Variants in MIPEP observed in about 807,000 individuals in gnomAD.
MIPEP encodes mitochondrial intermediate peptidase.
In MIPEP, 79 loss-of-function variants were observed where a neutral mutation model predicts 90.3. The observed-to-expected ratio is 0.87, with a 90% CI of 0.73 to 1.05. The LOEUF (loss-of-function observed/expected upper bound fraction) is 1.05. Among genes scored for constraint, MIPEP ranks in the 50% least tolerant of loss-of-function variants. MIPEP has a pLI of 0.00. For missense variants in MIPEP, 940 were observed against 905.6 expected (o/e 1.04, Z -0.49); for synonymous variants, 334 against 315.8 (o/e 1.06, Z -0.61).
intron 2 of MIPEP, 70 bp downstream of exon 2, chr13:23,886,262 AG>A (rs1414356387): frequency 1.6e-6 from 2 of 1,219,568 alleles, no homozygotes; most frequent in Non-Finnish European, 2.2e-6. Context: ...TAAACAACAA[AG>A]GATAAATTTC....
intron 16 of MIPEP, among the ~76,000 whole-genome samples, chr13:23,772,320 C>T (rs1410422900): frequency 2.0e-5 from 3 of 149,392 alleles, no homozygotes; most frequent in Non-Finnish European, 3.0e-5. Context: ...TTTTTTTTAA[C>T]AACAACAACA....
At chr13:23,805,907 G>C (rs759381166) in intron 16 of MIPEP, 43 bp downstream of exon 16, 62 of 1,601,894 alleles carry the variant, frequency 3.9e-5, no homozygotes, top group Non-Finnish European at 5.1e-5. Context: ...AGTAATAGCA[G>C]AACCACTCAA....
chr13:23,872,251 C>T (rs933911158), intron 5 of MIPEP, among the ~76,000 whole-genome samples: 1 of 152,198 alleles, frequency 6.6e-6, no homozygotes, highest in East Asian at 1.9e-4. Flanking sequence ...CACCTGAGGT[C>T]GGGAGTTCGA....
At chr13:23,808,741 A>T (rs891815551) in intron 15 of MIPEP, among the ~76,000 whole-genome samples, 9 of 152,242 alleles carry the variant, frequency 5.9e-5, no homozygotes, top group Non-Finnish European at 1.2e-4. Flanking sequence ...TTTAAAAATT[A>T]TATTGATATG....
chr13:23,808,020 T>G (rs1175664166), intron 15 of MIPEP, among the ~76,000 whole-genome samples: 1 of 152,078 alleles, frequency 6.6e-6, no homozygotes, highest in East Asian at 1.9e-4. Context: ...GCCAAGAAAC[T>G]TATTAAGTCA....
chr13:23,792,762 T>C (rs1952912036), intron 16 of MIPEP, among the ~76,000 whole-genome samples: 2 of 152,168 alleles, frequency 1.3e-5, no homozygotes, highest in Non-Finnish European at 2.9e-5. Context: ...ATTCCATCTG[T>C]CAGTCCTCTG....
intron 13 of MIPEP, among the ~76,000 whole-genome samples, chr13:23,836,877 T>C (rs1430087526): frequency 1.3e-5 from 2 of 152,246 alleles, no homozygotes; most frequent in Non-Finnish European, 2.9e-5. Context: ...TTAACGATTG[T>C]GTTCAGCCCA....
At chr13:23,854,779 C>T (rs1055878442) in intron 10 of MIPEP, among the ~76,000 whole-genome samples, 1 of 151,952 alleles carries the variant, frequency 6.6e-6, no homozygotes, top group African/African-American at 2.4e-5. Flanking sequence ...GTAATCCCTG[C>T]TACTCGGGAG....
intron 6 of MIPEP, among the ~76,000 whole-genome samples, 166 bp from the exon 7 acceptor site, chr13:23,869,614 T>C (rs1027020846): frequency 2.0e-5 from 3 of 152,258 alleles, no homozygotes; most frequent in Middle Eastern, 6.8e-3. Context: ...TAAAATAGCA[T>C]GGGATGCAAT....
At chr13:23,872,230 G>A (rs1433395754) in intron 5 of MIPEP, among the ~76,000 whole-genome samples, 2 of 152,236 alleles carry the variant, frequency 1.3e-5, no homozygotes, top group Non-Finnish European at 2.9e-5. Context: ...GGGAGGCTGA[G>A]GCAGGTGGAT....
At position 23,869,291 on chromosome 13, in the gene MIPEP, C is replaced by A. The variant is rs1299467901; in HGVS notation, c.943+1G>T. Reference sequence around the variant, plus strand: ...CTTAAATGTTGGATAAACAGGCTTACCTGGATTTTTAGCTATCGTTCCTTG... The same window carrying A: ...CTTAAATGTTGGATAAACAGGCTTAACTGGATTTTTAGCTATCGTTCCTTG... On this transcript the variant is annotated splice_donor_variant, in intron 7 of 18. Transcript: ENST00000382172. LOFTEE classifies it high-confidence loss of function. 6.3e-7 allele frequency: 1 copy of A among 1,585,664 alleles called. No individual in the cohort carries two copies. Among genetic ancestry groups the A allele is most frequent in the Admixed American group, 1.9e-5 (1 of 52,348 alleles).
rs761303186 is a variant in MIPEP at position 23,760,099 on chromosome 13, T to G, written c.1967A>C (p.Asn656Thr). ...ATTTTAGAACTTACCCCCTTACCTG[T>G]TGAAAGGATCCTGTAGAAAACACTC... is the stretch of plus-strand genomic sequence containing the variant. ...WKECFLQDPFNRAAGERYRRE... is the reference protein window; with the variant it reads ...WKECFLQDPFTRAAGERYRRE... Residue 656 changes from asparagine to threonine, a missense_variant, in exon 17 of 19, where the codon AAC becomes ACC. Transcript: ENST00000382172. 1.2e-6 allele frequency: 2 copies of G among 1,614,076 alleles called. No homozygotes were observed. The highest frequency in any genetic ancestry group is 3.3e-5 in the Admixed American group (2 of 60,018).
chr13:23,875,027 A>AAC (rs10595689), intron 4 of MIPEP, 118 bp from the exon 5 acceptor site: 11,570 of 401,246 alleles, frequency 0.029, 313 homozygotes, highest in East Asian at 0.18. Context: ...GTTTCTTCAA[A>AAC]ACACACACAC....
chr13:23,756,454 G>T, intron 18 of MIPEP, 91 bp downstream of exon 18: 2 of 1,345,392 alleles, frequency 1.5e-6, no homozygotes, highest in Non-Finnish European at 2.1e-6. Context: ...ACCACACCTG[G>T]CCTAAAACAT....
chr13:23,733,922 T>C (rs9553040), intron 18 of MIPEP, among the ~76,000 whole-genome samples: 28,282 of 152,136 alleles, frequency 0.19, 3,191 homozygotes, highest in East Asian at 0.42. Context: ...TACAGTAAAA[T>C]AATCTGCATG....
intron 16 of MIPEP, among the ~76,000 whole-genome samples, chr13:23,780,015 T>C (rs1234747358): frequency 6.6e-6 from 1 of 152,188 alleles, no homozygotes; most frequent in Non-Finnish European, 1.5e-5. Context: ...CTCAGTAGAC[T>C]CCACCTCTGG....
At chr13:23,798,868 C>T (rs145734724) in intron 16 of MIPEP, among the ~76,000 whole-genome samples, 9 of 152,096 alleles carry the variant, frequency 5.9e-5, no homozygotes, top group African/African-American at 1.7e-4. Flanking sequence ...GCAAAAACCA[C>T]GAGCCAATTA....
chr13:23,798,759 G>A (rs912220221), intron 16 of MIPEP, among the ~76,000 whole-genome samples: 6 of 151,970 alleles, frequency 3.9e-5, no homozygotes, highest in Admixed American at 1.3e-4. Flanking sequence ...CATCATGTAA[G>A]ACACCACTCT....
At chr13:23,858,835 T>C in intron 10 of MIPEP, 25 bp downstream of exon 10, 1 of 1,607,268 alleles carries the variant, frequency 6.2e-7, no homozygotes, top group East Asian at 2.2e-5. Context: ...CCTTTTCCTG[T>C]ACGGGTATTT....
Sources: gnomAD v4.1 joint callset for allele counts (sites outside exome capture counted in the v4.1 genomes callset) on GRCh38, gnomAD v4.1.1 for gene constraint, MANE v1.5 for transcripts, NCBI Gene and HGNC (gene_info 2026-07-23, HGNC 2026-07-21) for gene names.